Variants in GPC6 observed in about 807,000 individuals in gnomAD.
GPC6 encodes the protein glypican-6.
GPC6 carries 14 observed loss-of-function variants against 55.2 expected under a neutral mutation model. The observed-to-expected ratio is 0.25, with a 90% confidence interval of 0.17 to 0.40. The LOEUF is 0.40. Among genes scored for constraint, GPC6 ranks in the 10% least tolerant of loss-of-function variants. The pLI is 1.00. For missense variants in GPC6, 641 were observed against 708.5 expected, an observed-to-expected ratio of 0.90 and a Z score of 1.08; for synonymous variants, 278 against 259.6, an observed-to-expected ratio of 1.07 and a Z score of -0.68.
At chr13:93,972,944 TG>T (rs1566629028) in intron 3 of GPC6, among the ~76,000 whole-genome samples, 1 of 151,702 alleles carries the variant, frequency 6.6e-6, no homozygotes, top group Admixed American at 6.6e-5. Context: ...TCTCTCTCTC[TG>T]TCTTTCTCTC....
At chr13:94,336,680 GCAA>G (rs368100889) in intron 6 of GPC6, among the ~76,000 whole-genome samples, 8 of 151,690 alleles carry the variant, frequency 5.3e-5, no homozygotes, top group South Asian at 2.1e-4. Flanking sequence ...TGCTTTCTCT[GCAA>G]CAACAACAAC....
At chr13:94,214,796 G>A (rs543075603) in intron 4 of GPC6, among the ~76,000 whole-genome samples, 46 of 152,228 alleles carry the variant, frequency 3.0e-4, no homozygotes, top group African/African-American at 1.1e-3. Context: ...AATCTCAAAC[G>A]CAATTAATGC....
At chr13:93,492,080 G>A (rs991325137) in intron 1 of GPC6, among the ~76,000 whole-genome samples, 4 of 143,986 alleles carry the variant, frequency 2.8e-5, no homozygotes, top group East Asian at 2.1e-4. Flanking sequence ...AGCTTGATGG[G>A]GATGGCATTG....
intron 4 of GPC6, among the ~76,000 whole-genome samples, chr13:94,253,067 G>A (rs952684206): frequency 3.9e-5 from 6 of 152,040 alleles, no homozygotes; most frequent in African/African-American, 1.4e-4. Flanking sequence ...GATTCTTTCT[G>A]CAAATGCTGG....
rs1340669490 is a variant in GPC6, at chr13:93,563,229, C to T, written c.319+17808C>T. On this transcript the variant is annotated intron_variant, in intron 2 of 8. Transcript: ENST00000377047. The stretch of plus-strand genomic sequence containing the variant: ...TATGAAAAAAAATGAAAATCTTAAG[C>T]TTGACCTGTTCACATCAAGATAGAC... 3.9e-5 allele frequency among the ~76,000 whole-genome samples: 6 copies of T among 152,096 alleles called. No individual in the cohort carries two copies. In the East Asian group the frequency reaches 1.2e-3, roughly 29 times the overall value.
chr13:94,109,806 T>C (rs894093649), intron 4 of GPC6, among the ~76,000 whole-genome samples: 3 of 152,048 alleles, frequency 2.0e-5, no homozygotes, highest in African/African-American at 7.2e-5. Flanking sequence ...TTGTAACAAT[T>C]ATAAGGCTGC....
At chr13:93,876,996 C>G (rs1181962851) in intron 3 of GPC6, among the ~76,000 whole-genome samples, 1 of 151,996 alleles carries the variant, frequency 6.6e-6, no homozygotes, top group African/African-American at 2.4e-5. Context: ...TTGCCAGAAA[C>G]TCTGTAGTTA....
In GPC6 at chr13:93,227,531, G is replaced by A; in HGVS notation, c.75G>A (p.Val25=). The change falls in exon 1 of 9, where the codon GTG becomes GTA. Residue 25 remains valine, a synonymous_variant. Transcript: ENST00000377047. The surrounding 1 kb of genome is among the most constrained non-coding windows in gnomAD (Gnocchi z 4.3). ...TCTCCCTCCCCGCCGGGGCGGATGT[G>A]AAGGCTCGGAGCTGCGGAGAGGTCC... The part of the protein sequence containing the change: ...LLLSLPAGAD[V]KARSCGEVRQ... 2 of 1,613,772 alleles carry A rather than the reference G, an allele frequency of 1.2e-6. No homozygotes were observed. The highest frequency in any genetic ancestry group is 1.7e-6 in the Non-Finnish European group (2 of 1,179,790).
chr13:93,886,531 A>T (rs1290263593), intron 3 of GPC6, among the ~76,000 whole-genome samples: 5 of 152,052 alleles, frequency 3.3e-5, no homozygotes, highest in Admixed American at 1.3e-4. Context: ...TTTTGGCTAT[A>T]TTGAAGCTTT....
intron 4 of GPC6, among the ~76,000 whole-genome samples, chr13:94,174,135 T>C (rs1364188807): frequency 6.6e-6 from 1 of 152,160 alleles, no homozygotes; most frequent in East Asian, 1.9e-4. Context: ...GGCACAAGAT[T>C]ACTAAATTTT....
chr13:94,214,824 C>T, intron 4 of GPC6, among the ~76,000 whole-genome samples: 1 of 152,092 alleles, frequency 6.6e-6, no homozygotes, highest in East Asian at 1.9e-4. Context: ...CTTTCTGTGC[C>T]CTTTGGTAGT....
chr13:94,059,167 G>C (rs761228586), intron 4 of GPC6, among the ~76,000 whole-genome samples: 15 of 150,478 alleles, frequency 1.0e-4, no homozygotes, highest in Non-Finnish European at 1.2e-4. Flanking sequence ...TGTTGTTCAT[G>C]TTGTTCACTT....
In GPC6 at chr13:93,434,106, C is replaced by T. The variant is rs77919211; in HGVS notation, c.161-111157C>T. On this transcript the variant is annotated intron_variant, in intron 1 of 8. Coordinates refer to ENST00000377047, the MANE Select transcript of GPC6 (RefSeq NM_005708.5). Reference sequence around the variant, plus strand: ...CTGCTTGATATTGCTCTCTGGCATCCAGGGACTGCTTTGGCTCTCAAAGTG... The same window carrying T: ...CTGCTTGATATTGCTCTCTGGCATCTAGGGACTGCTTTGGCTCTCAAAGTG... Among the ~76,000 whole-genome samples, 962 of 152,264 alleles carry T rather than the reference C, an allele frequency of 6.3e-3. 12 individuals carry two copies. Among genetic ancestry groups the T allele is most frequent in the African/African-American group, 0.022 (924 of 41,546 alleles).
intron 2 of GPC6, among the ~76,000 whole-genome samples, chr13:93,618,791 A>AT (rs1474181469): frequency 6.6e-6 from 1 of 152,190 alleles, no homozygotes; most frequent in Admixed American, 6.6e-5. Flanking sequence ...AAGGATTTAT[A>AT]TGTTTCAGTA....
chr13:93,963,510 G>A (rs1045113950), intron 3 of GPC6, among the ~76,000 whole-genome samples: 10 of 152,142 alleles, frequency 6.6e-5, no homozygotes, highest in Non-Finnish European at 1.2e-4. Context: ...AGATGTTATC[G>A]ATACGTAACA....
chr13:94,360,440 C>T (rs1169899007), intron 6 of GPC6, among the ~76,000 whole-genome samples: 1 of 152,036 alleles, frequency 6.6e-6, no homozygotes, highest in African/African-American at 2.4e-5. Flanking sequence ...CTTTGGACCT[C>T]CTAAAGGAAG....
At chr13:93,389,414 GA>G (rs1215461119) in intron 1 of GPC6, among the ~76,000 whole-genome samples, 5 of 151,132 alleles carry the variant, frequency 3.3e-5, no homozygotes, top group Non-Finnish European at 7.4e-5. Context: ...TGAGGCAGGA[GA>G]ATGGCGTGAA....
chr13:94,215,215 A>G (rs1890191414), intron 4 of GPC6, among the ~76,000 whole-genome samples: 1 of 152,182 alleles, frequency 6.6e-6, no homozygotes, highest in African/African-American at 2.4e-5. Context: ...TAGGTTGATA[A>G]AAATCAGTTC....
At chr13:94,333,042 G>T (rs1362798259) in intron 6 of GPC6, among the ~76,000 whole-genome samples, 1 of 152,232 alleles carries the variant, frequency 6.6e-6, no homozygotes, top group Non-Finnish European at 1.5e-5. Flanking sequence ...CTGTGCATCA[G>T]GGATGGGAAA....
Sources: gnomAD v4.1 joint callset for allele counts (sites outside exome capture counted in the v4.1 genomes callset) on GRCh38, gnomAD v4.1.1 for gene constraint, Gnocchi (gnomAD v3.1) non-coding constraint, MANE v1.5 for transcripts, NCBI Gene and HGNC (gene_info 2026-07-23, HGNC 2026-07-21) for gene names.